The following ULK3 variants were observed in gnomAD, a reference collection of about 807,000 sequenced individuals.
ULK3 encodes the protein serine/threonine-protein kinase ULK3.
In ULK3, 54 loss-of-function variants were observed where a neutral mutation model predicts 69.4. The ratio of observed to expected loss-of-function variants is 0.78; its 90% CI spans 0.63 to 0.98. ULK3 has a LOEUF of 0.98. Ranked by LOEUF, ULK3 falls within the 50% of genes least tolerant of loss-of-function variation. The pLI is 0.00. For missense variants in ULK3, 558 were observed against 627.7 expected (o/e 0.89, Z 1.19); for synonymous variants, 240 against 254.5 (o/e 0.94, Z 0.54).
At position 74,839,250 on chromosome 15, in the gene ULK3, G is replaced by A; in HGVS notation, c.958+18C>T. ...TCCCTGCTGCACCCACGGGCTTCAG[G>A]CATGGCCTGGGACTCACAGTGCAGG... On this transcript the variant is annotated intron_variant, in intron 8 of 15. Coordinates refer to ENST00000440863, the MANE Select transcript of ULK3 (RefSeq NM_001099436.4). 1 of 1,552,192 alleles carries A rather than the reference G, an allele frequency of 6.4e-7. No individual in the cohort carries two copies. The highest frequency in any genetic ancestry group is 8.7e-7 in the Non-Finnish European group (1 of 1,146,986).
intron 11 of ULK3, 34 bp downstream of exon 11, chr15:74,838,406 C>T (rs768945282): frequency 3.2e-6 from 5 of 1,563,106 alleles, no homozygotes; most frequent in Non-Finnish European, 4.3e-6. Flanking sequence ...CTGCCCTGCC[C>T]CGACCCACCT....
intron 10 of ULK3, 24 bp from the exon 11 acceptor site, chr15:74,838,528 G>A (rs756099224): frequency 1.1e-5 from 17 of 1,567,580 alleles, no homozygotes; most frequent in Non-Finnish European, 1.4e-5. Context: ...AAAGGCTCAG[G>A]GTGAGGGAAG....
chr15:74,840,617 G>A lies in ULK3; in HGVS notation c.494C>T (p.Ser165Phe), dbSNP rs1323588802. The A allele has an allele frequency of 4.4e-6, 7 of 1,585,952 alleles. No homozygotes were observed. Among genetic ancestry groups the A allele is most frequent in the South Asian group, 1.1e-5 (1 of 87,198 alleles). The change falls in exon 5 of 16, where the codon TCC becomes TTC. Residue 165 changes from serine (S) to phenylalanine (F), a missense_variant. By Grantham distance (155) the Ser-to-Phe change is radical (BLOSUM62 -2). Coordinates refer to ENST00000440863, the MANE Select transcript of ULK3 (RefSeq NM_001099436.4). ...LADFGFAQHM[S>F]PWDEKHVLRG... ...GAGCACGTGCTTCTCATCCCACGGG[G>A]ACATGTGTTGTGCGAAACCAAAGTC...
chr15:74,839,466 C>A lies in ULK3; in HGVS notation c.852+92G>T. On this transcript the variant is annotated intron_variant, in intron 7 of 15. Coordinates refer to ENST00000440863, the MANE Select transcript of ULK3 (RefSeq NM_001099436.4). ...CAGCTCCCCTGAGCCCGCCCTCTGT[C>A]TCTGTTGGGTGAGTCACCAATTCAC... 5.2e-6 allele frequency: 8 copies of A among 1,540,764 alleles called. No homozygotes were observed. The Admixed American group carries it at 1.6e-4, about 30-fold the overall frequency.
chr15:74,838,678 A>G lies in ULK3; in HGVS notation c.1067T>C (p.Leu356Pro). 6.2e-7 allele frequency: 1 copy of G among 1,612,798 alleles called. No homozygotes were observed. Among genetic ancestry groups the G allele is most frequent in the Non-Finnish European group, 8.5e-7 (1 of 1,179,336 alleles). Residue 356 changes from leucine (L) to proline (P), a missense_variant, in exon 10 of 16, where the codon CTG becomes CCG. By Grantham distance (98) the Leu-to-Pro change is moderately conservative. Transcript: ENST00000440863. ...GTCTCGGGCAGAGGTCCCCTGCCTC[A>G]GCAGGGCCTGATTGGAAGAGGAGAC... ...AIVSSSNQAL[L>P]RQGTSARDLL...
intron 3 of ULK3, among the ~76,000 whole-genome samples, 173 bp downstream of exon 3, chr15:74,841,902 C>A (rs969680607): frequency 2.0e-5 from 3 of 152,236 alleles, no homozygotes; most frequent in African/African-American, 7.2e-5. Flanking sequence ...TCATCTCTCC[C>A]ACAGCGTCCT....
chr15:74,841,931 A>C (rs1379389289), intron 3 of ULK3, 144 bp downstream of exon 3: 1 of 1,363,970 alleles, frequency 7.3e-7, no homozygotes, highest in East Asian at 2.3e-5. Flanking sequence ...GGTTGAGTGT[A>C]TGAGATAAAC....
intron 7 of ULK3, 61 bp downstream of exon 7, chr15:74,839,497 A>G: frequency 6.5e-7 from 1 of 1,540,602 alleles, no homozygotes; most frequent in Non-Finnish European, 8.7e-7. Flanking sequence ...TTCACCACCA[A>G]CGGGGGCAAG....
chr15:74,840,260 T>TCTCTTCCAGCTC lies in ULK3; in HGVS notation c.658_669dup (p.Glu220_Glu223dup). On this transcript the variant is annotated inframe_insertion, in exon 6 of 16. Transcript: ENST00000440863. ...TCGATGACCCGGTTGCTACGGATCTTCTCTTCCAGCTCCGAGAACGACCTG... is the reference window on the plus strand; with the variant it reads ...TCGATGACCCGGTTGCTACGGATCTTCTCTTCCAGCTCCTCTTCCAGCTCCGAGAACGACCTG... The TCTCTTCCAGCTC allele has an allele frequency of 6.2e-7, 1 of 1,610,960 alleles. No individual in the cohort carries two copies. The highest frequency in any genetic ancestry group is 1.1e-5 in the South Asian group (1 of 90,244).
rs1256023447 is a variant in ULK3 at position 74,842,009 on chromosome 15, AG to A, written c.364+65del. ...CGTGCCAAGGCTCTAAGCCTGGGGGAGGGGTGGGATGGTGGGGGGCAGAGAA... is the reference window on the plus strand; with the variant it reads ...CGTGCCAAGGCTCTAAGCCTGGGGGAGGGTGGGATGGTGGGGGGCAGAGAA... On this transcript the variant is annotated intron_variant, in intron 3 of 15. Coordinates refer to ENST00000440863, the MANE Select transcript of ULK3 (RefSeq NM_001099436.4). This position sits in a 1 kb window ranked among gnomAD's most constrained non-coding sequence, Gnocchi z 4.9. 1.2e-6 allele frequency: 2 copies of A among 1,604,570 alleles called. No homozygotes were observed. Among genetic ancestry groups the A allele is most frequent in the African/African-American group, 2.7e-5 (2 of 74,676 alleles).
chr15:74,839,409 C>T (rs1254708090), intron 7 of ULK3, 36 bp from the exon 8 acceptor site: 1 of 1,549,798 alleles, frequency 6.5e-7, no homozygotes, highest in Admixed American at 2.0e-5. Flanking sequence ...GGTCCACCTC[C>T]CTACCCTCCC....
chr15:74,839,900 G>A (rs2064183136), intron 6 of ULK3, among the ~76,000 whole-genome samples, 187 bp from the exon 7 acceptor site: 1 of 152,178 alleles, frequency 6.6e-6, no homozygotes, highest in Non-Finnish European at 1.5e-5. Flanking sequence ...TGGGCTCCCG[G>A]TGCACCCTCG....
Position 74,843,098 on chromosome 15 carries a change from C to T in ULK3, c.8G>A (p.Gly3Glu). The T allele has an allele frequency of 7.6e-7, 1 of 1,323,542 alleles. No individual in the cohort carries two copies. The allele number at this position is 1,323,542 out of a possible 1,614,324, so 82.0% of individuals were successfully genotyped here. A position where few individuals can be genotyped will look rare whatever the true frequency, so the allele number is the denominator to read the frequency against. MA[G>E]PGWGPPRLDG... Reference sequence around the variant, plus strand: ...CAGGCGCGGGGGACCCCAGCCGGGCCCCGCCATTCCGGCCGCCTGCGCCCG... The same window carrying T: ...CAGGCGCGGGGGACCCCAGCCGGGCTCCGCCATTCCGGCCGCCTGCGCCCG... Residue 3 changes from glycine to glutamate, a missense_variant, in exon 1 of 16, where the codon GGG becomes GAG. Gly to Glu is a moderately conservative substitution (Grantham distance 98, BLOSUM62 -2). Transcript: ENST00000440863.
chr15:74,840,478 G>C lies in ULK3; in HGVS notation c.613+20C>G, dbSNP rs1236026248. 5 of 1,596,940 alleles carry C rather than the reference G, an allele frequency of 3.1e-6. No individual in the cohort carries two copies. Among genetic ancestry groups the C allele is most frequent in the Non-Finnish European group, 3.4e-6 (4 of 1,172,050 alleles). ...GAAACTGTAGGCCTCAGGGTGAGAA[G>C]CAGGGAAAAGAGGTCTCACCATACA... On this transcript the variant is annotated intron_variant, in intron 5 of 15. Transcript: ENST00000440863.
chr15:74,840,094 C>G (rs1283207445), intron 6 of ULK3, 140 bp downstream of exon 6: 1 of 1,095,830 alleles, frequency 9.1e-7, no homozygotes, highest in Admixed American at 2.2e-5. Context: ...ACCTCGACTT[C>G]CAGCCTAGAA....
chr15:74,836,469 C>T lies in ULK3; in HGVS notation c.*759G>A, dbSNP rs1217998296. On this transcript the variant is annotated 3_prime_UTR_variant, in exon 16 of 16. Coordinates refer to ENST00000440863, the MANE Select transcript of ULK3 (RefSeq NM_001099436.4). This position sits in a 1 kb window ranked among gnomAD's most constrained non-coding sequence, Gnocchi z 4.0. ...ACTGGGTCAGACTGTCTCCAAGCCT[C>T]CCTCTCCCTGTCCCAGGCTCAAACT... 2 of 152,326 alleles carry T rather than the reference C, an allele frequency of 1.3e-5. No individual in the cohort carries two copies. The highest frequency in any genetic ancestry group is 4.8e-5 in the African/African-American group (2 of 41,434). 9.4% of individuals were successfully genotyped at this position (152,326 alleles called of 1,614,324 possible). A position where few individuals can be genotyped will look rare whatever the true frequency, so the allele number is the denominator to read the frequency against.
At chr15:74,837,881 T>C in intron 13 of ULK3, 83 bp from the exon 14 acceptor site, 1 of 1,393,048 alleles carries the variant, frequency 7.2e-7, no homozygotes. Flanking sequence ...TCACCCCTGA[T>C]GCTCTCCAGA....
Position 74,838,706 on chromosome 15 carries a change from T to C in ULK3, c.1039A>G (p.Ile347Val). The change falls in exon 10 of 16, where the codon ATC becomes GTC. Residue 347 changes from isoleucine to valine, a missense_variant. Ile to Val is a conservative substitution (Grantham distance 29, BLOSUM62 3). Coordinates refer to ENST00000440863, the MANE Select transcript of ULK3 (RefSeq NM_001099436.4). ...YVSRAEELKAIVSSSNQALLR... is the reference protein window; with the variant it reads ...YVSRAEELKAVVSSSNQALLR... ...AGGGCCTGATTGGAAGAGGAGACGA[T>C]GGCCTTGAGCTCCTCAGCCCGGGAC... The C allele has an allele frequency of 1.2e-6, 2 of 1,612,460 alleles. No homozygotes were observed. The highest frequency in any genetic ancestry group is 1.7e-6 in the Non-Finnish European group (2 of 1,179,228).
chr15:74,840,470 G>A (rs775509598), intron 5 of ULK3, 28 bp downstream of exon 5: 1 of 1,592,666 alleles, frequency 6.3e-7, no homozygotes, highest in South Asian at 1.1e-5. Context: ...TAGGCCTCAG[G>A]GTGAGAAGCA....
Sources: gnomAD v4.1 joint callset for allele counts (sites outside exome capture counted in the v4.1 genomes callset) on GRCh38, gnomAD v4.1.1 for gene constraint, Gnocchi (gnomAD v3.1) non-coding constraint, MANE v1.5 for transcripts, NCBI Gene and HGNC (gene_info 2026-07-23, HGNC 2026-07-21) for gene names.